Variants in COL25A1 observed in about 807,000 individuals in gnomAD.
COL25A1 encodes the protein collagen type XXV alpha 1 chain, also known as collagen alpha-1(XXV) chain.
COL25A1 carries 103 observed loss-of-function variants against 128.4 expected under a neutral mutation model. That is an observed-to-expected ratio of 0.80 (90% confidence interval 0.68 to 0.94). COL25A1 has a LOEUF of 0.94. Among genes scored for constraint, COL25A1 ranks in the 40% least tolerant of loss-of-function variants. The pLI is 0.00. For synonymous variants in COL25A1, 279 were observed against 277.2 expected (o/e 1.01, Z -0.06); for missense variants, 745 against 840.0 (o/e 0.89, Z 1.40).
chr4:108,886,465 TG>T lies in COL25A1; in HGVS notation c.976-2244del, dbSNP rs1560806062. On this transcript the variant is annotated intron_variant, in intron 18 of 37. Coordinates refer to ENST00000399132, the MANE Select transcript of COL25A1 (RefSeq NM_198721.4). ...TTTTGTGTGTGTGTGTGTGTGTGTG[TG>T]TGTGTGTGTGTGTGTGTGTGTGTGT... Among the ~76,000 whole-genome samples, 8 of 119,668 alleles carry T rather than the reference TG, an allele frequency of 6.7e-5. No homozygotes were observed. In the East Asian group the frequency reaches 2.6e-3, roughly 39 times the overall value. 78.5% of individuals were successfully genotyped at this position (119,668 alleles called of 152,430 possible).
At chr4:109,038,444 A>T (rs1223343579) in intron 5 of COL25A1, among the ~76,000 whole-genome samples, 1 of 152,128 alleles carries the variant, frequency 6.6e-6, no homozygotes, top group African/African-American at 2.4e-5. Context: ...AATTCCATAA[A>T]ATAAATCCCC....
intron 3 of COL25A1, among the ~76,000 whole-genome samples, chr4:109,089,211 T>C (rs926375063): frequency 3.9e-5 from 6 of 152,130 alleles, no homozygotes; most frequent in Non-Finnish European, 8.8e-5. Flanking sequence ...AGACATAACC[T>C]CATAACCTTA....
At chr4:108,860,745 C>A (rs1737105785) in intron 23 of COL25A1, among the ~76,000 whole-genome samples, 182 bp downstream of exon 23, 1 of 152,126 alleles carries the variant, frequency 6.6e-6, no homozygotes, top group African/African-American at 2.4e-5. Flanking sequence ...TCCCTACATG[C>A]ACTGCTCCTG....
intron 18 of COL25A1, among the ~76,000 whole-genome samples, chr4:108,886,842 G>A (rs1308248454): frequency 1.3e-5 from 2 of 152,060 alleles, no homozygotes; most frequent in African/African-American, 4.8e-5. Context: ...CATTACAGGA[G>A]AACCTCAAAA....
At chr4:109,239,394 G>GTATATATATA (rs144842941) in intron 3 of COL25A1, among the ~76,000 whole-genome samples, 1 of 116,580 alleles carries the variant, frequency 8.6e-6, no homozygotes, top group South Asian at 2.6e-4. Context: ...GTGTGTGTGT[G>GTATATATATA]TATATATATA....
chr4:109,168,697 A>G (rs1773298621), intron 3 of COL25A1, among the ~76,000 whole-genome samples: 1 of 152,178 alleles, frequency 6.6e-6, no homozygotes, highest in African/African-American at 2.4e-5. Context: ...GGCCATGCCA[A>G]AAGTTTAATC....
At chr4:108,963,302 A>G (rs559925786) in intron 8 of COL25A1, among the ~76,000 whole-genome samples, 4 of 152,332 alleles carry the variant, frequency 2.6e-5, no homozygotes, top group African/African-American at 9.6e-5. Context: ...TTAGGGAGTG[A>G]TACAAAAATA....
At chr4:108,936,166 C>T (rs1445792286) in intron 11 of COL25A1, among the ~76,000 whole-genome samples, 3 of 152,202 alleles carry the variant, frequency 2.0e-5, no homozygotes, top group African/African-American at 7.2e-5. Context: ...TAATGCTGCA[C>T]TTGTATGCAT....
At chr4:109,178,337 T>C (rs896136800) in intron 3 of COL25A1, among the ~76,000 whole-genome samples, 8 of 152,214 alleles carry the variant, frequency 5.3e-5, no homozygotes, top group African/African-American at 1.9e-4. Context: ...CCTTTTAACC[T>C]GAACATTGGA....
intron 2 of COL25A1, among the ~76,000 whole-genome samples, chr4:109,301,087 A>C: frequency 6.6e-6 from 1 of 151,572 alleles, no homozygotes; most frequent in South Asian, 2.1e-4. Flanking sequence ...GTTCCAGAAA[A>C]CCCCCTTACT....
chr4:109,245,304 T>A (rs973430863), intron 3 of COL25A1, among the ~76,000 whole-genome samples: 1 of 152,196 alleles, frequency 6.6e-6, no homozygotes, highest in African/African-American at 2.4e-5. Context: ...AACTTGGTCC[T>A]CTGGGTTGGG....
Position 109,012,420 on chromosome 4 carries a change from T to C in COL25A1, c.421-2045A>G, listed in dbSNP as rs535025699. ...CGCCACTGCACTGTGGGAGCCCCTG[T>C]CTGGGCTGGCCAAGGCCGGAGCTGG... is the stretch of plus-strand genomic sequence containing the variant. On this transcript the variant is annotated intron_variant, in intron 5 of 37. Transcript: ENST00000399132. Among the ~76,000 whole-genome samples the C allele has an allele frequency of 3.3e-3, 497 of 152,276 alleles. 2 individuals are homozygous for C. Among genetic ancestry groups the C allele is most frequent in the African/African-American group, 0.011 (477 of 41,582 alleles).
chr4:108,879,008 C>G (rs1739785012), intron 19 of COL25A1, among the ~76,000 whole-genome samples: 2 of 152,168 alleles, frequency 1.3e-5, no homozygotes, highest in Admixed American at 1.3e-4. Context: ...TTTTTCTCTG[C>G]TATTTTTAAA....
At chr4:108,881,113 ACTTTTGGAT>A (rs983458853) in intron 19 of COL25A1, among the ~76,000 whole-genome samples, 5 of 152,188 alleles carry the variant, frequency 3.3e-5, no homozygotes, top group Admixed American at 6.5e-5. Context: ...TGGTAAGAGG[ACTTTTGGAT>A]ACTTCTGCAG....
At chr4:109,083,448 A>ATTTTTTTTTTTTTTTTTT (rs60165291) in intron 3 of COL25A1, among the ~76,000 whole-genome samples, 4 of 77,010 alleles carry the variant, frequency 5.2e-5, no homozygotes, top group Non-Finnish European at 7.4e-5. Flanking sequence ...CACTAAATAA[A>ATTTTTTTTTTTTTTTTTT]TTTTTTTTTT....
At chr4:108,967,185 T>G (rs1751407936) in intron 8 of COL25A1, among the ~76,000 whole-genome samples, 1 of 152,188 alleles carries the variant, frequency 6.6e-6, no homozygotes, top group East Asian at 1.9e-4. Context: ...AAGTATTTCA[T>G]AGGGTTGTTG....
At chr4:109,194,285 G>T (rs1179796586) in intron 3 of COL25A1, among the ~76,000 whole-genome samples, 3 of 152,136 alleles carry the variant, frequency 2.0e-5, no homozygotes, top group African/African-American at 7.2e-5. Context: ...CTCCTTTTCA[G>T]GTCAGAGGTT....
intron 13 of COL25A1, among the ~76,000 whole-genome samples, chr4:108,911,810 T>G (rs1560849168): frequency 6.6e-6 from 1 of 151,448 alleles, no homozygotes; most frequent in East Asian, 1.9e-4. Flanking sequence ...CTGTTTTTTT[T>G]TTTTTTTTTT....
intron 19 of COL25A1, among the ~76,000 whole-genome samples, chr4:108,873,956 G>A (rs1169550035): frequency 1.3e-5 from 2 of 151,992 alleles, no homozygotes; most frequent in Admixed American, 6.6e-5. Context: ...AAGAATTGAT[G>A]TACGGTTTAA....
Sources: gnomAD v4.1 joint callset for allele counts (sites outside exome capture counted in the v4.1 genomes callset) on GRCh38, gnomAD v4.1.1 for gene constraint, MANE v1.5 for transcripts, NCBI Gene and HGNC (gene_info 2026-07-23, HGNC 2026-07-21) for gene names.